The following MEIOSIN variants were observed in gnomAD, a reference collection of about 807,000 sequenced individuals.
The protein encoded by MEIOSIN is meiosis initiator.
In MEIOSIN, 18 loss-of-function variants were observed where a neutral mutation model predicts 23.4. The ratio of observed to expected loss-of-function variants is 0.77; its 90% CI spans 0.53 to 1.14. MEIOSIN has a LOEUF of 1.14. Ranked by LOEUF, MEIOSIN falls within the 50% of genes most tolerant of loss-of-function variation. The pLI, the probability that MEIOSIN is intolerant of heterozygous loss-of-function variation, is 0.00. For synonymous variants in MEIOSIN, 187 were observed against 100.6 expected (o/e 1.86, Z -5.14); for missense variants, 428 against 242.9 (o/e 1.76, Z -5.07).
chr19:45,763,294 T>C (rs1055006532), intron 13 of MEIOSIN, 44 bp from the exon 14 acceptor site: 1 of 398,552 alleles, frequency 2.5e-6, no homozygotes, highest in Non-Finnish European at 4.4e-6. Flanking sequence ...TCAGTCAGGG[T>C]GTCCTGCAGA....
intron 13 of MEIOSIN, 125 bp from the exon 14 acceptor site, chr19:45,763,213 C>T (rs1269273882): frequency 2.5e-6 from 1 of 396,710 alleles, no homozygotes; most frequent in African/African-American, 2.1e-5. Flanking sequence ...CCAGCTCCCT[C>T]TGCCTCCTCA....
intron 6 of MEIOSIN, 88 bp from the exon 7 acceptor site, chr19:45,754,391 G>T: frequency 1.6e-6 from 1 of 630,052 alleles, no homozygotes; most frequent in South Asian, 1.8e-5. Flanking sequence ...CTTTGACACT[G>T]ACAAGGATGT....
At chr19:45,760,090 C>T (rs917124864) in intron 11 of MEIOSIN, among the ~76,000 whole-genome samples, 4 of 151,956 alleles carry the variant, frequency 2.6e-5, no homozygotes, top group Non-Finnish European at 5.9e-5. Context: ...TGTGAGCCAC[C>T]GTGCCCAGCT....
chr19:45,745,776 T>C (rs1214728696), intron 4 of MEIOSIN, among the ~76,000 whole-genome samples: 3 of 152,176 alleles, frequency 2.0e-5, no homozygotes, highest in Non-Finnish European at 4.4e-5. Context: ...TTCACCATAT[T>C]GGTCAGGCCG....
At chr19:45,741,757 T>TTC (rs1181233827) in intron 3 of MEIOSIN, among the ~76,000 whole-genome samples, 4 of 152,182 alleles carry the variant, frequency 2.6e-5, no homozygotes, top group Non-Finnish European at 2.9e-5. Flanking sequence ...ATGGAGTTCA[T>TTC]ATTTATAATT....
rs1968568616 is a variant in MEIOSIN, at chr19:45,745,125, G to C, written c.177-67G>C. On this transcript the variant is annotated intron_variant, in intron 3 of 14. Coordinates refer to ENST00000457052, the MANE Select transcript of MEIOSIN (RefSeq NM_001310124.2). Reference sequence around the variant, plus strand: ...CTAAAATGAGTAACACAGACAGGAGGTTTGCGGGTTGGATGTGGAATTCGT... The same window carrying C: ...CTAAAATGAGTAACACAGACAGGAGCTTTGCGGGTTGGATGTGGAATTCGT... 1.7e-5 allele frequency: 12 copies of C among 699,602 alleles called. No individual in the cohort carries two copies. The South Asian group carries it at 1.8e-4, about 10-fold the overall frequency. 43.3% of individuals were successfully genotyped at this position (699,602 alleles called of 1,614,324 possible).
rs1179690772 is a variant in MEIOSIN at position 45,736,870 on chromosome 19, C to CT, written c.71+1438dup. On this transcript the variant is annotated intron_variant, in intron 2 of 14. Transcript: ENST00000457052. ...ACAGGCGTGAGCCACTGCGCCCAGC[C>CT]TTTTTTTTTTTTTTTGAGATGGAGT... Among the ~76,000 whole-genome samples the CT allele has an allele frequency of 3.3e-3, 449 of 135,468 alleles. 3 individuals are homozygous for CT. The highest frequency in any genetic ancestry group is 0.017 in the Middle Eastern group (4 of 232). 88.9% of individuals were successfully genotyped at this position (135,468 alleles called of 152,430 possible).
chr19:45,762,959 G>A (rs1968978004), intron 13 of MEIOSIN, among the ~76,000 whole-genome samples: 1 of 152,186 alleles, frequency 6.6e-6, no homozygotes, highest in Admixed American at 6.5e-5. Context: ...GACCCCGGGA[G>A]GAGGAGAGGT....
chr19:45,755,341 G>T (rs569928234), intron 7 of MEIOSIN, among the ~76,000 whole-genome samples: 1 of 152,014 alleles, frequency 6.6e-6, no homozygotes, highest in African/African-American at 2.4e-5. Context: ...GTACAAACAG[G>T]GTTTTGCCAT....
At chr19:45,741,087 C>A (rs1259728017) in intron 3 of MEIOSIN, among the ~76,000 whole-genome samples, 1 of 152,064 alleles carries the variant, frequency 6.6e-6, no homozygotes, top group African/African-American at 2.4e-5. Flanking sequence ...CGGTGGCTCA[C>A]GCCTGTAATC....
chr19:45,737,371 G>A lies in MEIOSIN; in HGVS notation c.71+1924G>A, dbSNP rs183719144. Among the ~76,000 whole-genome samples the A allele has an allele frequency of 2.8e-3, 422 of 151,148 alleles. 2 individuals are homozygous for A. Among genetic ancestry groups the A allele is most frequent in the African/African-American group, 9.5e-3 (393 of 41,188 alleles). On this transcript the variant is annotated intron_variant, in intron 2 of 14. Transcript: ENST00000457052. ...ATTTTTGTATTTTTCGTAGAAATGG[G>A]TTTTTGCCATGTTGCCGAGGCTGGT...
chr19:45,764,527 C>T lies in MEIOSIN; in HGVS notation c.*409C>T, dbSNP rs1271373864. ...TTAAATAAAATAAAGCAAGTGGAAC[C>T]TTTGTTACCAGCAAGAGAGACAAGG... On this transcript the variant is annotated 3_prime_UTR_variant, in exon 15 of 15. Transcript: ENST00000457052. 1 of 158,074 alleles carries T rather than the reference C, an allele frequency of 6.3e-6. No individual in the cohort carries two copies. The highest frequency in any genetic ancestry group is 2.4e-5 in the African/African-American group (1 of 41,688). 9.8% of individuals were successfully genotyped at this position (158,074 alleles called of 1,614,324 possible).
chr19:45,744,712 A>T (rs1273956804), intron 3 of MEIOSIN, among the ~76,000 whole-genome samples: 2 of 151,186 alleles, frequency 1.3e-5, no homozygotes, highest in Non-Finnish European at 2.9e-5. Context: ...GGTTCAAGGG[A>T]TTCTCCTGCC....
At chr19:45,737,966 C>CA (rs1460600450) in intron 2 of MEIOSIN, among the ~76,000 whole-genome samples, 1 of 151,652 alleles carries the variant, frequency 6.6e-6, no homozygotes, top group Non-Finnish European at 1.5e-5. Context: ...ATGCTGCCTA[C>CA]ACTGGTCTGA....
intron 3 of MEIOSIN, among the ~76,000 whole-genome samples, chr19:45,741,296 G>A (rs952178897): frequency 6.6e-5 from 10 of 151,704 alleles, no homozygotes; most frequent in South Asian, 2.1e-4. Flanking sequence ...TCAGTGAGCT[G>A]AGATCGCACC....
chr19:45,738,420 C>G (rs1968445294), intron 2 of MEIOSIN, among the ~76,000 whole-genome samples: 1 of 152,220 alleles, frequency 6.6e-6, no homozygotes, highest in South Asian at 2.1e-4. Flanking sequence ...GAGTTTGAGA[C>G]CAGCCTGGCC....
chr19:45,759,124 A>G (rs371144274), intron 10 of MEIOSIN, 91 bp downstream of exon 10: 17 of 680,442 alleles, frequency 2.5e-5, no homozygotes, highest in East Asian at 5.4e-5. Context: ...GCCCGGGGTG[A>G]ATCCTGCCCT....
intron 11 of MEIOSIN, among the ~76,000 whole-genome samples, chr19:45,760,425 G>A (rs1336634732): frequency 6.7e-6 from 1 of 149,524 alleles, no homozygotes; most frequent in Non-Finnish European, 1.5e-5. Flanking sequence ...TGGCCATCAT[G>A]GCGAAATACT....
At chr19:45,754,803 G>A (rs1423700784) in intron 7 of MEIOSIN, 79 bp downstream of exon 7, 3 of 677,784 alleles carry the variant, frequency 4.4e-6, no homozygotes, top group African/African-American at 3.5e-5. Context: ...CCCAGACACA[G>A]TACCCGTAGT....
Sources: allele counts gnomAD v4.1 joint callset (sites outside exome capture counted in the v4.1 genomes callset), GRCh38; gene constraint gnomAD v4.1.1; transcripts MANE v1.5; gene names NCBI Gene and HGNC (gene_info 2026-07-23, HGNC 2026-07-21).